Variants in CAPN10 observed in about 807,000 individuals in gnomAD.
CAPN10 encodes calpain 10, also known as calpain-10.
Under a neutral mutation model 78.4 loss-of-function variants are expected in CAPN10, and 71 were observed. The ratio of observed to expected loss-of-function variants is 0.91; its 90% CI spans 0.75 to 1.10. The LOEUF (loss-of-function observed/expected upper bound fraction) is 1.10. CAPN10 is among the 50% of genes least tolerant of loss of function. The pLI, the probability that CAPN10 is intolerant of heterozygous loss-of-function variation, is 0.00. For missense variants in CAPN10, 849 were observed against 924.6 expected, an observed-to-expected ratio of 0.92 and a Z score of 1.06; for synonymous variants, 437 against 407.2, an observed-to-expected ratio of 1.07 and a Z score of -0.88.
chr2:240,594,290 C>T (rs1444390299), intron 5 of CAPN10: 3 of 574,492 alleles, frequency 5.2e-6, no homozygotes, highest in Non-Finnish European at 9.1e-6. Flanking sequence ...GCTCGGGCAG[C>T]AGTCCTGGGA....
In CAPN10 at chr2:240,593,930, A is replaced by T. The variant is rs1559425245; in HGVS notation, c.713A>T (p.His238Leu). 6.2e-7 allele frequency: 1 copy of T among 1,605,160 alleles called. No homozygotes were observed. Among genetic ancestry groups the T allele is most frequent in the Non-Finnish European group, 8.5e-7 (1 of 1,173,978 alleles). Residue 238 changes from histidine (H) to leucine (L), a missense_variant, in exon 5 of 12, where the codon CAT becomes CTT. By Grantham distance (99) the His-to-Leu change is moderately conservative. Transcript: ENST00000391984. ...GGTGCCCGGGAGCTGGGGGAGTTCC[A>T]TGCCTTCATTGTCTCGGACCTGCGG... ...RAGARELGEF[H>L]AFIVSDLREL...
At chr2:240,590,538 T>G (rs765942433) in intron 2 of CAPN10, 2 of 386,494 alleles carry the variant, frequency 5.2e-6, no homozygotes, top group Non-Finnish European at 9.6e-6. Flanking sequence ...GATGCAGCCC[T>G]GTGCAGGCGC....
At chr2:240,589,664 G>T (rs980837355) in intron 2 of CAPN10, 190 bp downstream of exon 2, 14 of 736,280 alleles carry the variant, frequency 1.9e-5, no homozygotes, top group African/African-American at 3.6e-5. Context: ...CTGCAGGGGG[G>T]GGTGCCTTGG....
At chr2:240,598,199 G>A in intron 10 of CAPN10, 112 bp downstream of exon 10, 1 of 1,331,612 alleles carries the variant, frequency 7.5e-7, no homozygotes, top group Non-Finnish European at 1.1e-6. Flanking sequence ...GCCCCTATCT[G>A]TCCTGGCAGA....
Position 240,589,490 on chromosome 2 carries a change from CCT to C in CAPN10, c.273+17_273+18del, listed in dbSNP as rs372834354. On this transcript the variant is annotated intron_variant, in intron 2 of 11. Transcript: ENST00000391984. ...CCTGGACCAGGTGCGGGGCCCCTTC[CCT>C]GTGTTTGTCCTGGAGCCGGTTTCTT... is the stretch of plus-strand genomic sequence containing the variant. 3.3e-5 allele frequency: 53 copies of C among 1,603,362 alleles called. No individual in the cohort carries two copies. The East Asian group carries it at 4.9e-4, about 15-fold the overall frequency.
At position 240,593,893 on chromosome 2, in the gene CAPN10, A is replaced by G; in HGVS notation, c.689-13A>G. 1 of 1,585,800 alleles carries G rather than the reference A, an allele frequency of 6.3e-7. No homozygotes were observed. The highest frequency in any genetic ancestry group is 8.6e-7 in the Non-Finnish European group (1 of 1,160,752). ...TGCCCTTCCTGCCTGTGCCTGCGCC[A>G]TTCCTCATGCAGGTGCCCGGGAGCT... On this transcript the variant is annotated splice_polypyrimidine_tract_variant and intron_variant, in intron 4 of 11. Transcript: ENST00000391984.
Position 240,593,800 on chromosome 2 carries a change from G to A in CAPN10, c.689-106G>A. 3.7e-6 allele frequency: 5 copies of A among 1,342,880 alleles called. No individual in the cohort carries two copies. The South Asian group carries it at 6.1e-5, about 16-fold the overall frequency. 83.2% of individuals were successfully genotyped at this position (1,342,880 alleles called of 1,614,324 possible). On this transcript the variant is annotated intron_variant, in intron 4 of 11. Coordinates refer to ENST00000391984, the MANE Select transcript of CAPN10 (RefSeq NM_023083.4). ...GGGTCTCCCGTGTAGCCATAGTGGGGTGGGCTGGAGCATCTCCAGAGGAGG... is the reference window on the plus strand; with the variant it reads ...GGGTCTCCCGTGTAGCCATAGTGGGATGGGCTGGAGCATCTCCAGAGGAGG...
chr2:240,598,621 G>T, intron 11 of CAPN10, 30 bp from the exon 12 acceptor site: 1 of 1,568,022 alleles, frequency 6.4e-7, no homozygotes, highest in Non-Finnish European at 8.6e-7. Flanking sequence ...GAGTGCCACC[G>T]CTGCCCGGGC....
In CAPN10 at chr2:240,597,930, C is replaced by T. The variant is rs1159830851; in HGVS notation, c.1786C>T (p.Leu596=). The T allele has an allele frequency of 1.9e-6, 3 of 1,612,038 alleles. No homozygotes were observed. The highest frequency in any genetic ancestry group is 1.7e-6 in the Non-Finnish European group (2 of 1,179,604). The change falls in exon 10 of 12, where the codon CTG becomes TTG. Residue 596 remains leucine, a synonymous_variant. Coordinates refer to ENST00000391984, the MANE Select transcript of CAPN10 (RefSeq NM_023083.4). ...GRSQDAPPLL[L]QEPLLSCVPH... ...GAGCCAGGACGCACCCCCACTGCTGCTGCAGGAGCCGCTGCTGAGCTGCGT... is the reference window on the plus strand; with the variant it reads ...GAGCCAGGACGCACCCCCACTGCTGTTGCAGGAGCCGCTGCTGAGCTGCGT...
At position 240,594,009 on chromosome 2, in the gene CAPN10, C is replaced by T. The variant is rs2125462051; in HGVS notation, c.792C>T (p.Pro264=). 6.2e-7 allele frequency: 1 copy of T among 1,610,636 alleles called. No homozygotes were observed. Among genetic ancestry groups the T allele is most frequent in the Non-Finnish European group, 8.5e-7 (1 of 1,177,920 alleles). ...QCILLLRIQN[P]WGRRCWQGLW... is the part of the protein sequence containing the mutation. ...TCCTGCTGCTGCGGATCCAGAACCCCTGGGGCCGGCGGTGCTGGCAGGGGC... is the reference window on the plus strand; with the variant it reads ...TCCTGCTGCTGCGGATCCAGAACCCTTGGGGCCGGCGGTGCTGGCAGGGGC... The change falls in exon 5 of 12, where the codon CCC becomes CCT. Residue 264 remains proline, a synonymous_variant. Transcript: ENST00000391984.
chr2:240,598,434 T>C, intron 11 of CAPN10, 37 bp downstream of exon 11: 1 of 1,610,310 alleles, frequency 6.2e-7, no homozygotes, highest in Non-Finnish European at 8.5e-7. Flanking sequence ...CTCACCTGCC[T>C]GGGGCTGCCT....
intron 1 of CAPN10, 61 bp downstream of exon 1, chr2:240,587,113 AG>A: frequency 8.7e-7 from 1 of 1,152,226 alleles, no homozygotes; most frequent in Non-Finnish European, 1.1e-6. Flanking sequence ...CGCTCCTCGC[AG>A]GGAGCGGGGC....
rs369954745 is a variant in CAPN10, at chr2:240,593,925, G to A, written c.708G>A (p.Glu236=). Residue 236 remains glutamate (E), a synonymous_variant, in exon 5 of 12, where the codon GAG becomes GAA. Transcript: ENST00000391984. Reference sequence around the variant, plus strand: ...ATGCAGGTGCCCGGGAGCTGGGGGAGTTCCATGCCTTCATTGTCTCGGACC... The same window carrying A: ...ATGCAGGTGCCCGGGAGCTGGGGGAATTCCATGCCTTCATTGTCTCGGACC... ...SPRAGARELG[E]FHAFIVSDLR... is the part of the protein sequence containing the mutation. The A allele has an allele frequency of 3.1e-6, 5 of 1,604,864 alleles. No homozygotes were observed. The highest frequency in any genetic ancestry group is 3.4e-6 in the Non-Finnish European group (4 of 1,173,508).
chr2:240,587,687 C>T (rs2093077168), intron 1 of CAPN10, among the ~76,000 whole-genome samples: 1 of 152,238 alleles, frequency 6.6e-6, no homozygotes, highest in Non-Finnish European at 1.5e-5. Flanking sequence ...CTTCTGGGCT[C>T]TCGTGACTGA....
Position 240,590,477 on chromosome 2 carries a change from C to T in CAPN10, c.274-338C>T, listed in dbSNP as rs183578968. The T allele has an allele frequency of 7.8e-5, 18 of 230,654 alleles. No individual in the cohort carries two copies. In the East Asian group the frequency reaches 1.2e-3, roughly 15 times the overall value. The allele number at this position is 230,654 out of a possible 1,614,324, so 14.3% of individuals were successfully genotyped here. On this transcript the variant is annotated intron_variant, in intron 2 of 11. Coordinates refer to ENST00000391984, the MANE Select transcript of CAPN10 (RefSeq NM_023083.4). ...TGTGTCCCGGGATATGTGGCTCCCTCGGTGTGGTCCTCAAGTTTTGCAATG... is the reference window on the plus strand; with the variant it reads ...TGTGTCCCGGGATATGTGGCTCCCTTGGTGTGGTCCTCAAGTTTTGCAATG...
In CAPN10 at chr2:240,587,025, C is replaced by T. The variant is rs1408238642; in HGVS notation, c.114C>T (p.Arg38=). ...TGTCTACGCCGCTGGCCCAGTTCCG[C>T]GAGGACATCACGTGGAGGCGGCCCC... is the stretch of plus-strand genomic sequence containing the variant. ...CDLSTPLAQF[R]EDITWRRPQE... Residue 38 remains arginine (R), a synonymous_variant, in exon 1 of 12, where the codon CGC becomes CGT. Transcript: ENST00000391984. 2.7e-6 allele frequency: 4 copies of T among 1,458,034 alleles called. No individual in the cohort carries two copies. Among genetic ancestry groups the T allele is most frequent in the East Asian group, 6.0e-5 (2 of 33,310 alleles). The allele number at this position is 1,458,034 out of a possible 1,614,324, so 90.3% of individuals were successfully genotyped here. A position where few individuals can be genotyped will look rare whatever the true frequency, so the allele number is the denominator to read the frequency against.
chr2:240,592,547 A>C, intron 4 of CAPN10: 1 of 473,926 alleles, frequency 2.1e-6, no homozygotes, highest in Non-Finnish European at 4.4e-6. Context: ...GGTGGCTCAC[A>C]CCTGTAATCC....
At position 240,595,297 on chromosome 2, in the gene CAPN10, T is replaced by G; in HGVS notation, c.1271T>G (p.Leu424Arg). The change falls in exon 7 of 12, where the codon CTC becomes CGC. Residue 424 changes from leucine to arginine, a missense_variant. Transcript: ENST00000391984. ...GKHYQAVGLH[L>R]WKVEKRRVNL... ...CACTACCAGGCTGTGGGTCTGCACCTCTGGAAGGTAACTCAGCCCCGTCTG... is the reference window on the plus strand; with the variant it reads ...CACTACCAGGCTGTGGGTCTGCACCGCTGGAAGGTAACTCAGCCCCGTCTG... 2 of 1,612,940 alleles carry G rather than the reference T, an allele frequency of 1.2e-6. No individual in the cohort carries two copies. The highest frequency in any genetic ancestry group is 1.7e-6 in the Non-Finnish European group (2 of 1,179,980).
rs1260559345 is a variant in CAPN10, at chr2:240,594,639, C to G, written c.927C>G (p.Leu309=). ...TCTGGGTGGAGGAGGAGGAGTTCCT[C>G]AGGGAGTTTGACGAGCTCACCGTTG... ...GEFWVEEEEF[L]REFDELTVGY... The change falls in exon 6 of 12, where the codon CTC becomes CTG. Residue 309 remains leucine, a synonymous_variant. Transcript: ENST00000391984. 1.7e-5 allele frequency: 28 copies of G among 1,613,842 alleles called. No homozygotes were observed. Among genetic ancestry groups the G allele is most frequent in the Non-Finnish European group, 2.3e-5 (27 of 1,179,996 alleles).
Sources: allele counts gnomAD v4.1 joint callset (sites outside exome capture counted in the v4.1 genomes callset), GRCh38; gene constraint gnomAD v4.1.1; transcripts MANE v1.5; gene names NCBI Gene and HGNC (gene_info 2026-07-23, HGNC 2026-07-21).